TNR: variants seen among roughly 807,000 people sequenced by gnomAD.
TNR encodes the protein tenascin-R.
Under a neutral mutation model 150.4 loss-of-function variants are expected in TNR, and 45 were observed. The observed-to-expected ratio is 0.30, with a 90% CI of 0.24 to 0.38. The LOEUF (loss-of-function observed/expected upper bound fraction) is 0.38. Ranked by LOEUF, TNR falls within the 10% of genes least tolerant of loss-of-function variation. The pLI is 1.00. For missense variants in TNR, 1,544 were observed against 1,759.1 expected, an observed-to-expected ratio of 0.88 and a Z score of 2.19; for synonymous variants, 687 against 678.4, an observed-to-expected ratio of 1.01 and a Z score of -0.20.
chr1:175,728,400 A>T (rs948952577), intron 1 of TNR, among the ~76,000 whole-genome samples: 1 of 152,214 alleles, frequency 6.6e-6, no homozygotes, highest in Non-Finnish European at 1.5e-5. Context: ...TCTGATGCCA[A>T]CATTAAAATT....
chr1:175,641,818 C>A (rs1664670852), intron 1 of TNR, among the ~76,000 whole-genome samples: 1 of 152,066 alleles, frequency 6.6e-6, no homozygotes, highest in South Asian at 2.1e-4. Flanking sequence ...ACTAGGAAAG[C>A]CTCATAGCGC....
chr1:175,680,952 T>C (rs1349759063), intron 1 of TNR, among the ~76,000 whole-genome samples: 2 of 152,196 alleles, frequency 1.3e-5, no homozygotes, highest in African/African-American at 4.8e-5. Flanking sequence ...GGAACCACTC[T>C]GAACCTCAGT....
At chr1:175,527,280 G>A (rs939107592) in intron 2 of TNR, among the ~76,000 whole-genome samples, 1 of 152,212 alleles carries the variant, frequency 6.6e-6, no homozygotes, top group Non-Finnish European at 1.5e-5. Context: ...GAATTGGAAT[G>A]TTCAAAGGTG....
intron 1 of TNR, among the ~76,000 whole-genome samples, chr1:175,622,224 G>A (rs1276619238): frequency 1.3e-5 from 2 of 152,178 alleles, no homozygotes; most frequent in Non-Finnish European, 1.5e-5. Context: ...GAGCACTGTA[G>A]GCAAAAAAGC....
intron 1 of TNR, among the ~76,000 whole-genome samples, chr1:175,588,688 T>A (rs1191896199): frequency 1.3e-5 from 2 of 152,218 alleles, no homozygotes; most frequent in Non-Finnish European, 2.9e-5. Flanking sequence ...GACCTGCTCA[T>A]AACCCTAGAA....
chr1:175,380,668 C>T (rs1057194697), intron 8 of TNR, among the ~76,000 whole-genome samples: 1 of 152,110 alleles, frequency 6.6e-6, no homozygotes, highest in Non-Finnish European at 1.5e-5. Context: ...TGCTTGTTCT[C>T]TGCAGTTGCC....
chr1:175,704,964 T>C (rs528831148), intron 1 of TNR, among the ~76,000 whole-genome samples: 1 of 152,278 alleles, frequency 6.6e-6, no homozygotes, highest in Non-Finnish European at 1.5e-5. Flanking sequence ...GATGTTTTGT[T>C]TCCTCAGCAA....
chr1:175,708,397 T>C lies in TNR; in HGVS notation c.-165+34829A>G, dbSNP rs16848996. 4.7e-3 allele frequency among the ~76,000 whole-genome samples: 709 copies of C among 152,306 alleles called. 2 individuals are homozygous for C. Among genetic ancestry groups the C allele is most frequent in the African/African-American group, 0.016 (666 of 41,566 alleles). On this transcript the variant is annotated intron_variant, in intron 1 of 22. Coordinates refer to ENST00000367674, the MANE Select transcript of TNR (RefSeq NM_003285.3). ...CCAAGACTCTTCCTTGTTATAATTA[T>C]GAAGAGAGAAATGATGAAAAGTAGG...
rs1263644114 is a variant in TNR at position 175,422,959 on chromosome 1, A to C, written c.-63-16182T>G. 3.9e-5 allele frequency among the ~76,000 whole-genome samples: 6 copies of C among 152,278 alleles called. No individual in the cohort carries two copies. The South Asian group carries it at 1.2e-3, about 32-fold the overall frequency. On this transcript the variant is annotated intron_variant, in intron 2 of 22. Coordinates refer to ENST00000367674, the MANE Select transcript of TNR (RefSeq NM_003285.3). ...GGTCTCCATCAGGGAGATTCTAGAG[A>C]AGGGTCATTGCCTGGTGAACAGGTC... is the stretch of plus-strand genomic sequence containing the variant.
intron 2 of TNR, among the ~76,000 whole-genome samples, chr1:175,451,299 C>A (rs544025464): frequency 6.6e-6 from 1 of 151,582 alleles, no homozygotes; most frequent in Non-Finnish European, 1.5e-5. Context: ...TATACATGTG[C>A]CATGTTGGTG....
At chr1:175,700,830 A>G (rs1273403708) in intron 1 of TNR, among the ~76,000 whole-genome samples, 3 of 152,208 alleles carry the variant, frequency 2.0e-5, no homozygotes, top group African/African-American at 4.8e-5. Context: ...ACGTCCCACC[A>G]GATTCTCTGT....
intron 1 of TNR, among the ~76,000 whole-genome samples, chr1:175,545,401 AG>A (rs1660646614): frequency 8.4e-6 from 1 of 119,402 alleles, no homozygotes; most frequent in Non-Finnish European, 1.9e-5. Flanking sequence ...GACTGTGAAA[AG>A]AAAGAAATAT....
intron 2 of TNR, among the ~76,000 whole-genome samples, chr1:175,444,935 A>C (rs1655970962): frequency 6.6e-6 from 1 of 152,214 alleles, no homozygotes; most frequent in South Asian, 2.1e-4. Context: ...ACGCTTTGGA[A>C]GATTTTTGAA....
intron 1 of TNR, among the ~76,000 whole-genome samples, chr1:175,651,460 T>C (rs182014566): frequency 6.6e-6 from 1 of 151,912 alleles, no homozygotes; most frequent in East Asian, 1.9e-4. Flanking sequence ...CAGACATTTT[T>C]AAAAAAATAG....
intron 1 of TNR, among the ~76,000 whole-genome samples, chr1:175,638,242 C>A (rs74127380): frequency 6.6e-6 from 1 of 152,320 alleles, no homozygotes; most frequent in African/African-American, 2.4e-5. Context: ...TACAACTCTG[C>A]TCTTGTTCAA....
chr1:175,537,612 A>G (rs945885094), intron 1 of TNR, among the ~76,000 whole-genome samples: 1 of 152,176 alleles, frequency 6.6e-6, no homozygotes, highest in Non-Finnish European at 1.5e-5. Context: ...TCTCCCCCGG[A>G]TCTGCATTTA....
chr1:175,551,198 C>G (rs552398407), intron 1 of TNR, among the ~76,000 whole-genome samples: 1 of 152,300 alleles, frequency 6.6e-6, no homozygotes, highest in East Asian at 1.9e-4. Context: ...CATCTGACTT[C>G]CAAGGCAACA....
intron 1 of TNR, among the ~76,000 whole-genome samples, chr1:175,672,792 A>G (rs1665741427): frequency 6.6e-6 from 1 of 152,166 alleles, no homozygotes; most frequent in Admixed American, 6.5e-5. Context: ...GGTGTGATTT[A>G]TCATTGTCAT....
At chr1:175,573,352 G>A (rs527713919) in intron 1 of TNR, among the ~76,000 whole-genome samples, 1 of 152,216 alleles carries the variant, frequency 6.6e-6, no homozygotes, top group Non-Finnish European at 1.5e-5. Context: ...AGGGAGGTGA[G>A]GTATGGAGCT....
Sources: gnomAD v4.1 joint callset for allele counts (sites outside exome capture counted in the v4.1 genomes callset) on GRCh38, gnomAD v4.1.1 for gene constraint, MANE v1.5 for transcripts, NCBI Gene and HGNC (gene_info 2026-07-23, HGNC 2026-07-21) for gene names.